TET1: variants seen among roughly 807,000 people sequenced by gnomAD.
TET1 encodes methylcytosine dioxygenase TET1.
A neutral mutation model predicts 148.7 loss-of-function variants in TET1; 13 were observed. The ratio of observed to expected loss-of-function variants is 0.09; its 90% CI spans 0.06 to 0.14. The LOEUF (loss-of-function observed/expected upper bound fraction) is 0.14, where lower values mean the gene tolerates loss of function less well. TET1 is among the 10% of genes least tolerant of loss of function. The probability of loss-of-function intolerance (pLI) is 1.00; values close to 1 mark genes in which losing one functional copy is unlikely to be tolerated. For synonymous variants in TET1, 907 were observed against 937.2 expected (o/e 0.97, Z 0.59); for missense variants, 2,182 against 2,553.8 (o/e 0.85, Z 3.14).
At chr10:68,593,829 G>T (rs1054791266) in intron 2 of TET1, among the ~76,000 whole-genome samples, 2 of 150,732 alleles carry the variant, frequency 1.3e-5, no homozygotes, top group African/African-American at 4.9e-5. Flanking sequence ...GGCCTGGCTG[G>T]TCTCCAACTC....
intron 7 of TET1, among the ~76,000 whole-genome samples, chr10:68,671,735 A>G (rs567027510): frequency 6.6e-5 from 10 of 152,232 alleles, no homozygotes; most frequent in African/African-American, 2.4e-4. Context: ...TTTTTCTATT[A>G]TGCACTTTTT....
At chr10:68,686,869 T>C (rs1352663887) in intron 11 of TET1, among the ~76,000 whole-genome samples, 162 bp downstream of exon 11, 15 of 152,112 alleles carry the variant, frequency 9.9e-5, no homozygotes, top group Admixed American at 9.8e-4. Flanking sequence ...TCAGTATTTC[T>C]TGGTAACTTT....
In TET1 at chr10:68,665,062, G is replaced by T. The variant is rs2055178507; in HGVS notation, c.4462-1983G>T. ...CCTGGCATTACAAGTGTGAGCTGCG[G>T]CACCCAGCCTTTTTTATCTTTTCAA... On this transcript the variant is annotated intron_variant, in intron 6 of 11. Coordinates refer to ENST00000373644, the MANE Select transcript of TET1 (RefSeq NM_030625.3). Among the ~76,000 whole-genome samples the T allele has an allele frequency of 2.0e-5, 3 of 152,162 alleles. No individual in the cohort carries two copies. The South Asian group carries it at 6.2e-4, about 32-fold the overall frequency.
intron 3 of TET1, among the ~76,000 whole-genome samples, chr10:68,630,393 C>A (rs2133022717): frequency 6.6e-6 from 1 of 152,306 alleles, no homozygotes; most frequent in South Asian, 2.1e-4. Context: ...CTCACTGCAA[C>A]CTCTGCCTCC....
chr10:68,676,245 TA>T, intron 8 of TET1, among the ~76,000 whole-genome samples: 1 of 15,006 alleles, frequency 6.7e-5, no homozygotes, highest in Admixed American at 1.0e-3. Context: ...TGTATATATA[TA>T]TATATATATA....
In TET1 at chr10:68,691,789, C is replaced by A. The variant is rs768089885; in HGVS notation, c.6386C>A (p.Ala2129Glu). The change falls in exon 12 of 12, where the codon GCG becomes GAG. Residue 2129 changes from alanine (A) to glutamate (E), a missense_variant. Around this residue, in one of 11 missense-constraint regions of TET1, gnomAD observed 20 missense variants for 42.3 expected, o/e 0.47. Transcript: ENST00000373644. The surrounding 1 kb of genome is among the most constrained non-coding windows in gnomAD (Gnocchi z 4.4). The part of the protein sequence containing the change: ...TVSPYALTHV[A>E]GPYNHWV ...TCCCCTTATGCTCTCACACACGTTGCGGGGCCCTATAACCATTGGGTCTGA... is the reference window on the plus strand; with the variant it reads ...TCCCCTTATGCTCTCACACACGTTGAGGGGCCCTATAACCATTGGGTCTGA... 3 of 1,613,386 alleles carry A rather than the reference C, an allele frequency of 1.9e-6. No homozygotes were observed. Among genetic ancestry groups the A allele is most frequent in the East Asian group, 2.2e-5 (1 of 44,878 alleles).
intron 3 of TET1, among the ~76,000 whole-genome samples, chr10:68,643,701 C>G (rs1440271929): frequency 1.3e-5 from 2 of 151,636 alleles, no homozygotes; most frequent in Admixed American, 6.6e-5. Context: ...GTAATCCCAG[C>G]TACTTGGGAG....
intron 6 of TET1, among the ~76,000 whole-genome samples, chr10:68,660,978 A>AT (rs1182168053): frequency 6.7e-6 from 1 of 149,920 alleles, no homozygotes. Context: ...AAACCTTAAA[A>AT]TTTTTTTTAA....
intron 6 of TET1, among the ~76,000 whole-genome samples, chr10:68,661,114 C>G (rs1031675817): frequency 9.2e-5 from 14 of 151,396 alleles, no homozygotes; most frequent in African/African-American, 3.4e-4. Flanking sequence ...ACTGCAAGCT[C>G]CGCCTCCCGG....
rs2054097338 is a variant in TET1, at chr10:68,604,468, G to C, written c.1968+3434G>C. Among the ~76,000 whole-genome samples, 4 of 152,286 alleles carry C rather than the reference G, an allele frequency of 2.6e-5. No homozygotes were observed. In the South Asian group the frequency reaches 8.3e-4, roughly 32 times the overall value. On this transcript the variant is annotated intron_variant, in intron 3 of 11. Coordinates refer to ENST00000373644, the MANE Select transcript of TET1 (RefSeq NM_030625.3). Reference sequence around the variant, plus strand: ...TAGGCCTGAAGGGGGATGGTGAGTGGAAACCAGGTAATGTAGCTACAGCTG... The same window carrying C: ...TAGGCCTGAAGGGGGATGGTGAGTGCAAACCAGGTAATGTAGCTACAGCTG...
At chr10:68,593,773 C>T (rs1283373717) in intron 2 of TET1, among the ~76,000 whole-genome samples, 1 of 151,708 alleles carries the variant, frequency 6.6e-6, no homozygotes, top group Non-Finnish European at 1.5e-5. Flanking sequence ...CCACCACGCC[C>T]AGCTAATTTT....
intron 8 of TET1, among the ~76,000 whole-genome samples, chr10:68,678,715 A>AC (rs71474426): frequency 1.6e-4 from 24 of 151,782 alleles, no homozygotes; most frequent in African/African-American, 5.8e-4. Flanking sequence ...GCACCACTGC[A>AC]CCCCCCCACA....
intron 3 of TET1, among the ~76,000 whole-genome samples, chr10:68,616,699 A>G (rs2054295101): frequency 6.6e-6 from 1 of 151,834 alleles, no homozygotes; most frequent in African/African-American, 2.4e-5. Context: ...GTATGCCCAG[A>G]TAATATTTAA....
chr10:68,575,772 A>G (rs1477455192), intron 2 of TET1, among the ~76,000 whole-genome samples: 2 of 151,894 alleles, frequency 1.3e-5, no homozygotes, highest in African/African-American at 2.4e-5. Context: ...CTGTAATCCC[A>G]GTACTTTGGG....
intron 4 of TET1, among the ~76,000 whole-genome samples, chr10:68,647,441 T>C (rs556470844): frequency 4.6e-5 from 7 of 152,192 alleles, no homozygotes; most frequent in African/African-American, 1.4e-4. Flanking sequence ...CTGTATTTAC[T>C]TAAAATTCAA....
rs56149036 is a variant in TET1, at chr10:68,688,430, C to CT, written c.5404+1745dup. Among the ~76,000 whole-genome samples the CT allele has an allele frequency of 3.4e-3, 302 of 90,110 alleles. 4 individuals carry two copies. Among genetic ancestry groups the CT allele is most frequent in the African/African-American group, 0.01 (242 of 23,994 alleles). The allele number at this position is 90,110 out of a possible 152,430, so 59.1% of individuals were successfully genotyped here. A position where few individuals can be genotyped will look rare whatever the true frequency, so the allele number is the denominator to read the frequency against. ...CACAACCTCAATTGTCTTTTGATAGCTTTTTTTTTTTTTTTTTTTTTTGAG... is the reference window on the plus strand; with the variant it reads ...CACAACCTCAATTGTCTTTTGATAGCTTTTTTTTTTTTTTTTTTTTTTTGAG... On this transcript the variant is annotated intron_variant, in intron 11 of 11. Coordinates refer to ENST00000373644, the MANE Select transcript of TET1 (RefSeq NM_030625.3).
chr10:68,689,333 C>A (rs1257567064), intron 11 of TET1, among the ~76,000 whole-genome samples: 1 of 152,168 alleles, frequency 6.6e-6, no homozygotes, highest in African/African-American at 2.4e-5. Flanking sequence ...TTTTTAATTA[C>A]TTTAAAACAT....
chr10:68,676,262 ATATATAT>A (rs2055356413), intron 8 of TET1, among the ~76,000 whole-genome samples: 2 of 15,488 alleles, frequency 1.3e-4, no homozygotes, highest in African/African-American at 4.3e-4. Flanking sequence ...ATATATATAT[ATATATAT>A]TTTTTTTTTT....
At chr10:68,594,704 C>T (rs886402415) in intron 2 of TET1, among the ~76,000 whole-genome samples, 1 of 152,074 alleles carries the variant, frequency 6.6e-6, no homozygotes, top group Non-Finnish European at 1.5e-5. Context: ...AGAGAACGGG[C>T]GCGGTGACTC....
Sources: allele counts gnomAD v4.1 joint callset (sites outside exome capture counted in the v4.1 genomes callset), GRCh38; gene constraint gnomAD v4.1.1; regional missense constraint gnomAD v4.1.1; non-coding constraint Gnocchi (gnomAD v3.1); transcripts MANE v1.5; gene names NCBI Gene and HGNC (gene_info 2026-07-23, HGNC 2026-07-21).